SUMF1: variants seen among roughly 807,000 people sequenced by gnomAD.
The protein encoded by SUMF1 is formylglycine-generating enzyme.
Under a neutral mutation model 47.6 loss-of-function variants are expected in SUMF1, and 48 were observed. The observed-to-expected ratio is 1.01, with a 90% CI of 0.80 to 1.28. The LOEUF is 1.28. Ranked by LOEUF, SUMF1 falls within the 50% of genes most tolerant of loss-of-function variation. SUMF1 has a pLI of 0.00. For missense variants in SUMF1, 571 were observed against 485.4 expected (o/e 1.18, Z -1.66); for synonymous variants, 230 against 192.1 (o/e 1.20, Z -1.63).
intron 8 of SUMF1, among the ~76,000 whole-genome samples, chr3:4,278,615 C>T (rs1490112131): frequency 1.3e-5 from 2 of 152,064 alleles, no homozygotes; most frequent in East Asian, 1.9e-4. Flanking sequence ...TTAAAACAGA[C>T]AACAGAAACC....
At chr3:4,039,344 G>C (rs1175741715) in intron 9 of SUMF1, among the ~76,000 whole-genome samples, 4 of 110,782 alleles carry the variant, frequency 3.6e-5, no homozygotes, top group Non-Finnish European at 5.5e-5. Context: ...CTAGCATTAG[G>C]TATATCTCCC....
intron 8 of SUMF1, among the ~76,000 whole-genome samples, chr3:4,133,285 A>T (rs1379220179): frequency 6.6e-6 from 1 of 151,992 alleles, no homozygotes; most frequent in Non-Finnish European, 1.5e-5. Context: ...TGGGTTGGGG[A>T]TTAGTGTGTT....
intron 8 of SUMF1, among the ~76,000 whole-genome samples, chr3:4,072,315 C>T (rs191760742): frequency 6.6e-6 from 1 of 152,246 alleles, no homozygotes; most frequent in Admixed American, 6.5e-5. Context: ...CACACCAAAA[C>T]CCCATCTGTA....
intron 8 of SUMF1, among the ~76,000 whole-genome samples, chr3:4,207,588 A>T (rs1695680850): frequency 6.6e-6 from 1 of 152,168 alleles, no homozygotes. Context: ...CCTTTATTCT[A>T]TTAAGATGAT....
chr3:4,354,980 G>T (rs574382803), intron 8 of SUMF1, among the ~76,000 whole-genome samples: 8 of 152,282 alleles, frequency 5.3e-5, no homozygotes, highest in African/African-American at 1.9e-4. Context: ...GCACAGTTAC[G>T]TATGTGGTGG....
intron 8 of SUMF1, among the ~76,000 whole-genome samples, chr3:4,322,722 G>A (rs904057267): frequency 6.6e-6 from 1 of 151,966 alleles, no homozygotes; most frequent in Admixed American, 6.6e-5. Flanking sequence ...TGTGGAGAAA[G>A]TGGAAGCCTC....
At chr3:4,122,752 T>C (rs1217026211) in intron 8 of SUMF1, among the ~76,000 whole-genome samples, 2 of 152,162 alleles carry the variant, frequency 1.3e-5, no homozygotes, top group African/African-American at 2.4e-5. Flanking sequence ...TGTGGTTAAC[T>C]AGTAGGAGAG....
intron 3 of SUMF1, among the ~76,000 whole-genome samples, chr3:4,442,974 T>C (rs957284342): frequency 5.3e-5 from 8 of 150,116 alleles, no homozygotes; most frequent in African/African-American, 2.0e-4. Flanking sequence ...AATCACAACA[T>C]GGTGTTTTAA....
chr3:4,314,077 T>G (rs1698536841), intron 8 of SUMF1: 6 of 465,868 alleles, frequency 1.3e-5, no homozygotes, highest in Admixed American at 1.2e-4. Flanking sequence ...CTGGCTGGAA[T>G]GTATACATGA....
At chr3:4,415,989 G>GAAATTGC (rs1701698491) in intron 6 of SUMF1, among the ~76,000 whole-genome samples, 1 of 152,104 alleles carries the variant, frequency 6.6e-6, no homozygotes, top group Admixed American at 6.6e-5. Context: ...AGAATTGCAA[G>GAAATTGC]AAATAAATTT....
At chr3:4,268,110 A>G (rs1264960642) in intron 8 of SUMF1, among the ~76,000 whole-genome samples, 1 of 152,234 alleles carries the variant, frequency 6.6e-6, no homozygotes, top group African/African-American at 2.4e-5. Flanking sequence ...ATTGGAAATC[A>G]TCATTCTCAG....
intron 8 of SUMF1, among the ~76,000 whole-genome samples, chr3:4,212,810 C>T (rs998088887): frequency 2.6e-5 from 4 of 151,950 alleles, no homozygotes; most frequent in African/African-American, 2.4e-5. Context: ...GAAAGGATAT[C>T]GGTTATTCAA....
intron 8 of SUMF1, among the ~76,000 whole-genome samples, chr3:4,115,124 C>T (rs1693392575): frequency 6.6e-6 from 1 of 151,978 alleles, no homozygotes. Flanking sequence ...ACAGCTGGAC[C>T]TCGAGAGGAG....
intron 9 of SUMF1, among the ~76,000 whole-genome samples, chr3:4,057,682 A>T (rs776001130): frequency 1.3e-5 from 2 of 152,078 alleles, no homozygotes; most frequent in African/African-American, 2.4e-5. Context: ...CATGACGGGG[A>T]AGGAAGGAGG....
intron 8 of SUMF1, among the ~76,000 whole-genome samples, chr3:4,168,958 G>A (rs368461890): frequency 2.6e-5 from 4 of 152,132 alleles, no homozygotes; most frequent in Admixed American, 6.5e-5. Flanking sequence ...TTCCAGCAAC[G>A]TATTGGTTAA....
chr3:4,330,582 T>C (rs990641357), intron 8 of SUMF1, among the ~76,000 whole-genome samples: 2 of 152,188 alleles, frequency 1.3e-5, no homozygotes, highest in African/African-American at 4.8e-5. Context: ...TTTCTCCACT[T>C]GGCCCCGCCC....
chr3:4,103,812 A>C (rs922487852), intron 8 of SUMF1, among the ~76,000 whole-genome samples: 1 of 152,168 alleles, frequency 6.6e-6, no homozygotes, highest in African/African-American at 2.4e-5. Context: ...ACCTTGCTCC[A>C]TATCACACAA....
intron 3 of SUMF1, among the ~76,000 whole-genome samples, chr3:4,442,378 CCCGAGTAGCT>C (rs1702626987): frequency 1.3e-5 from 2 of 151,610 alleles, no homozygotes; most frequent in African/African-American, 4.8e-5. Flanking sequence ...GCCTCAGCCT[CCCGAGTAGCT>C]GGGACTACAG....
At chr3:4,049,150 T>G (rs1370811785) in intron 9 of SUMF1, among the ~76,000 whole-genome samples, 3 of 152,206 alleles carry the variant, frequency 2.0e-5, no homozygotes, top group Non-Finnish European at 4.4e-5. Flanking sequence ...TGTTTCTCAC[T>G]TGCACTACAC....
Sources: gnomAD v4.1 joint callset for allele counts (sites outside exome capture counted in the v4.1 genomes callset) on GRCh38, gnomAD v4.1.1 for gene constraint, MANE v1.5 for transcripts, NCBI Gene and HGNC (gene_info 2026-07-23, HGNC 2026-07-21) for gene names.